PAK1: variants seen among roughly 807,000 people sequenced by gnomAD.
The protein encoded by PAK1 is p21 (RAC1) activated kinase 1, also known as serine/threonine-protein kinase PAK 1.
PAK1 carries 29 observed loss-of-function variants against 67.4 expected under a neutral mutation model. The ratio of observed to expected loss-of-function variants is 0.43; its 90% CI spans 0.32 to 0.59. PAK1 has a LOEUF of 0.59. Ranked by LOEUF, PAK1 falls within the 20% of genes least tolerant of loss-of-function variation. PAK1 has a pLI of 0.07. For missense variants in PAK1, 337 were observed against 670.7 expected (o/e 0.50, Z 5.50); for synonymous variants, 223 against 237.4 (o/e 0.94, Z 0.56).
upstream of PAK1, among the ~76,000 whole-genome samples, chr11:77,479,199 G>A (rs552747770): frequency 9.2e-4 from 140 of 151,888 alleles, no homozygotes; most frequent in South Asian, 7.9e-3. Context: ...GAAGCATACC[G>A]TCACGAGTTC....
At chr11:77,437,363 T>C (rs770582463) in intron 1 of PAK1, among the ~76,000 whole-genome samples, 1 of 152,238 alleles carries the variant, frequency 6.6e-6, no homozygotes, top group African/African-American at 2.4e-5. Flanking sequence ...GAAACAGTGA[T>C]AGTAAGAGTA....
At chr11:77,489,905 C>T in the PAK1 span, among the ~76,000 whole-genome samples, 6 of 152,280 alleles carry the variant, frequency 3.9e-5, no homozygotes, top group South Asian at 6.2e-4. Flanking sequence ...TCTGCCTGGC[C>T]GCCTATCGTC....
At chr11:77,471,529 G>C (rs1957853584) in intron 1 of PAK1, among the ~76,000 whole-genome samples, 2 of 152,032 alleles carry the variant, frequency 1.3e-5, no homozygotes, top group African/African-American at 4.8e-5. Context: ...GGCCCAACAA[G>C]GTCATCTCCA....
chr11:77,411,160 G>A (rs553587770), intron 1 of PAK1, among the ~76,000 whole-genome samples: 2 of 151,868 alleles, frequency 1.3e-5, no homozygotes, highest in Non-Finnish European at 2.9e-5. Flanking sequence ...AGGATACCAA[G>A]GTCTACTTCC....
At chr11:77,488,939 T>C in the PAK1 span, among the ~76,000 whole-genome samples, 1 of 152,040 alleles carries the variant, frequency 6.6e-6, no homozygotes, top group Non-Finnish European at 1.5e-5. Flanking sequence ...AATATTCAAG[T>C]ACAAGAAGGT....
At chr11:77,411,521 C>T (rs953923857) in intron 1 of PAK1, among the ~76,000 whole-genome samples, 1 of 151,896 alleles carries the variant, frequency 6.6e-6, no homozygotes, top group Non-Finnish European at 1.5e-5. Context: ...CTGAGCGGTT[C>T]CCCAAAGGCG....
chr11:77,451,348 A>G (rs1956842614), intron 1 of PAK1, among the ~76,000 whole-genome samples: 2 of 152,196 alleles, frequency 1.3e-5, no homozygotes, highest in Admixed American at 1.3e-4. Flanking sequence ...AGACACAGGG[A>G]CATACAGAAA....
At chr11:77,340,879 A>G (rs1172930637) in intron 10 of PAK1, 116 bp from the exon 11 acceptor site, 1 of 706,938 alleles carries the variant, frequency 1.4e-6, no homozygotes, top group Non-Finnish European at 2.6e-6. Flanking sequence ...GCACAAAGTA[A>G]AGTAAAAGGT....
chr11:77,349,269 G>T lies in PAK1; in HGVS notation c.855C>A (p.Tyr285Ter). Residue 285 changes from tyrosine (Y) to a stop codon, truncating the protein, a stop_gained, in exon 9 of 15, where the codon TAC becomes TAA. Transcript: ENST00000356341. LOFTEE classifies it high-confidence loss of function. ...KIGQGASGTV[Y>*]TAMDVATGQE... ...GTCCTGTGGCCACATCCATTGCTGT[G>T]TACACGGTGCCTGAAGCACTGAACA... 1 of 1,600,962 alleles carries T rather than the reference G, an allele frequency of 6.2e-7. No individual in the cohort carries two copies. Among genetic ancestry groups the T allele is most frequent in the African/African-American group, 1.3e-5 (1 of 74,914 alleles).
At chr11:77,516,512 T>C in the PAK1 span, among the ~76,000 whole-genome samples, 80 of 152,308 alleles carry the variant, frequency 5.3e-4, no homozygotes, top group African/African-American at 1.8e-3. Flanking sequence ...TATTAAGCAG[T>C]AATGTGTCAG....
At chr11:77,359,492 C>T (rs1046540502) in intron 5 of PAK1, among the ~76,000 whole-genome samples, 2 of 152,142 alleles carry the variant, frequency 1.3e-5, no homozygotes, top group Non-Finnish European at 2.9e-5. Flanking sequence ...TTTTGCCCTG[C>T]CCTTTTCCTC....
chr11:77,423,453 A>AATAGT (rs1955392761), intron 1 of PAK1, among the ~76,000 whole-genome samples: 1 of 150,734 alleles, frequency 6.6e-6, no homozygotes, highest in African/African-American at 2.5e-5. Flanking sequence ...CCCTTAGGAC[A>AATAGT]ATAGTAATCA....
At chr11:77,407,459 C>T (rs1366267235) in intron 1 of PAK1, among the ~76,000 whole-genome samples, 3 of 152,216 alleles carry the variant, frequency 2.0e-5, no homozygotes, top group African/African-American at 7.2e-5. Flanking sequence ...GGTGTCTATA[C>T]TGAGTGCCTA....
At chr11:77,480,544 GAC>G in the PAK1 span, among the ~76,000 whole-genome samples, 1 of 116,138 alleles carries the variant, frequency 8.6e-6, no homozygotes, top group Admixed American at 9.4e-5. Flanking sequence ...TTTTTTTTGA[GAC>G]ATAGTCTTGC....
At chr11:77,369,636 T>C (rs1331988712) in intron 5 of PAK1, among the ~76,000 whole-genome samples, 8 of 151,662 alleles carry the variant, frequency 5.3e-5, no homozygotes, top group Non-Finnish European at 1.0e-4. Context: ...TTAGTAGAGA[T>C]GGGGTTTCAC....
the PAK1 span, among the ~76,000 whole-genome samples, chr11:77,494,494 C>G: frequency 6.6e-6 from 1 of 151,772 alleles, no homozygotes; most frequent in Non-Finnish European, 1.5e-5. Context: ...TCCTAAGTAG[C>G]TGGGACTACA....
At chr11:77,330,592 C>G (rs1941252811) in intron 14 of PAK1, among the ~76,000 whole-genome samples, 1 of 152,162 alleles carries the variant, frequency 6.6e-6, no homozygotes, top group Non-Finnish European at 1.5e-5. Flanking sequence ...ATGTAGAAAG[C>G]TGAAACTGGA....
chr11:77,410,172 CAG>C (rs1380572638), intron 1 of PAK1, among the ~76,000 whole-genome samples: 4 of 152,110 alleles, frequency 2.6e-5, no homozygotes, highest in African/African-American at 7.2e-5. Flanking sequence ...TCACAGCTGC[CAG>C]AGTTTCTGGT....
At chr11:77,360,564 T>A (rs1222697855) in intron 5 of PAK1, among the ~76,000 whole-genome samples, 1 of 152,222 alleles carries the variant, frequency 6.6e-6, no homozygotes, top group African/African-American at 2.4e-5. Flanking sequence ...CATCATCAGG[T>A]AGCCCTGGAG....
Sources: gnomAD v4.1 joint callset for allele counts (sites outside exome capture counted in the v4.1 genomes callset) on GRCh38, gnomAD v4.1.1 for gene constraint, MANE v1.5 for transcripts, NCBI Gene and HGNC (gene_info 2026-07-23, HGNC 2026-07-21) for gene names.